Variants in ARHGEF10 observed in about 807,000 individuals in gnomAD.
The protein encoded by ARHGEF10 is Rho guanine nucleotide exchange factor 10, also known as Rho guanine nucleotide exchange factor (GEF) 10.
Under a neutral mutation model 147.4 loss-of-function variants are expected in ARHGEF10, and 140 were observed. That is an observed-to-expected ratio of 0.95 (90% CI 0.83 to 1.09). The LOEUF is 1.09. Ranked by LOEUF, ARHGEF10 falls within the 50% of genes least tolerant of loss-of-function variation. ARHGEF10 has a pLI of 0.00. For synonymous variants in ARHGEF10, 902 were observed against 695.8 expected, an observed-to-expected ratio of 1.30 and a Z score of -4.67; for missense variants, 2,222 against 1,752.7, an observed-to-expected ratio of 1.27 and a Z score of -4.78.
chr8:1,859,862 A>G (rs779945725), intron 3 of ARHGEF10, 35 bp from the exon 4 acceptor site: 9 of 1,613,118 alleles, frequency 5.6e-6, no homozygotes, highest in South Asian at 2.2e-5. Context: ...GCCCTTGGTG[A>G]TGTGTCTGCT....
chr8:1,940,516 C>G (rs767965860), intron 26 of ARHGEF10, among the ~76,000 whole-genome samples: 2 of 152,158 alleles, frequency 1.3e-5, no homozygotes, highest in Admixed American at 6.5e-5. Context: ...ACAAAAAGCC[C>G]AGGACCAGAT....
At chr8:1,908,081 G>A (rs1811044040) in intron 17 of ARHGEF10, among the ~76,000 whole-genome samples, 1 of 152,006 alleles carries the variant, frequency 6.6e-6, no homozygotes, top group Non-Finnish European at 1.5e-5. Flanking sequence ...TTCCCTTCCT[G>A]TATGGACTGG....
rs1441745285 is a variant in ARHGEF10, at chr8:1,874,894, G to A, written c.680-1677G>A. ...CTGGTGGGAGAGTGCAGACACACCC[G>A]GGGCCGTGTAGGGGGTACAGGTTCT... On this transcript the variant is annotated intron_variant, in intron 7 of 28. Coordinates refer to ENST00000349830, the MANE Select transcript of ARHGEF10 (RefSeq NM_014629.4). 4.7e-4 allele frequency among the ~76,000 whole-genome samples: 14 copies of A among 29,674 alleles called. 1 individual carries two copies. The highest frequency in any genetic ancestry group is 7.2e-4 in the Non-Finnish European group (9 of 12,498). 19.5% of individuals were successfully genotyped at this position (29,674 alleles called of 152,430 possible).
rs986693109 is a variant in ARHGEF10, at chr8:1,919,655, C to G, written c.2144-3309C>G. Among the ~76,000 whole-genome samples the G allele has an allele frequency of 2.0e-5, 3 of 147,298 alleles. No homozygotes were observed. In the South Asian group the frequency reaches 6.5e-4, roughly 32 times the overall value. Reference sequence around the variant, plus strand: ...GCTGTTCTGTGGGTGATGAGCTGTTCTGTCAGTGATGGAGCTGTTCTATGG... The same window carrying G: ...GCTGTTCTGTGGGTGATGAGCTGTTGTGTCAGTGATGGAGCTGTTCTATGG... On this transcript the variant is annotated intron_variant, in intron 18 of 28. Transcript: ENST00000349830.
intron 7 of ARHGEF10, chr8:1,870,590 C>A (rs1457314106): frequency 1.3e-5 from 2 of 152,046 alleles, no homozygotes; most frequent in African/African-American, 4.8e-5. Flanking sequence ...CAAATTCTAA[C>A]CAAAGTATTG....
chr8:1,897,773 C>T (rs938737082), intron 14 of ARHGEF10, among the ~76,000 whole-genome samples: 1 of 152,202 alleles, frequency 6.6e-6, no homozygotes, highest in African/African-American at 2.4e-5. Context: ...AGGATGCCAG[C>T]CGTGGCCGTG....
At chr8:1,945,947 G>A (rs1457323245) in intron 27 of ARHGEF10, 1 of 321,520 alleles carries the variant, frequency 3.1e-6, no homozygotes, top group South Asian at 3.3e-5. Context: ...GGTCAGAGTG[G>A]GTGGGAGACG....
intron 4 of ARHGEF10, among the ~76,000 whole-genome samples, chr8:1,863,819 C>G (rs959703528): frequency 1.3e-5 from 2 of 152,008 alleles, no homozygotes; most frequent in Non-Finnish European, 1.5e-5. Context: ...AGGGAGGAAT[C>G]GTCAGGCGGG....
intron 10 of ARHGEF10, among the ~76,000 whole-genome samples, chr8:1,884,354 C>G (rs938626814): frequency 6.6e-6 from 1 of 151,288 alleles, no homozygotes; most frequent in African/African-American, 2.4e-5. Context: ...CGAGATTGCG[C>G]CACTGCACTC....
intron 17 of ARHGEF10, among the ~76,000 whole-genome samples, chr8:1,906,619 G>C (rs113155932): frequency 6.6e-6 from 1 of 152,148 alleles, no homozygotes; most frequent in Admixed American, 6.5e-5. Context: ...GCAGGTCAGC[G>C]CTCAGGAGTC....
chr8:1,917,488 G>C (rs1280060829), intron 18 of ARHGEF10, among the ~76,000 whole-genome samples: 1 of 152,168 alleles, frequency 6.6e-6, no homozygotes, highest in Non-Finnish European at 1.5e-5. Flanking sequence ...AGCCGTCCTT[G>C]CTATTGATCT....
chr8:1,949,677 A>C (rs117631975), intron 27 of ARHGEF10, among the ~76,000 whole-genome samples: 8,283 of 152,284 alleles, frequency 0.054, 299 homozygotes, highest in Middle Eastern at 0.12. Context: ...AGAAAAAAAA[A>C]GACAAAAAAC....
chr8:1,835,729 C>T (rs948720726), intron 1 of ARHGEF10, among the ~76,000 whole-genome samples: 3 of 152,188 alleles, frequency 2.0e-5, no homozygotes, highest in Admixed American at 1.3e-4. Flanking sequence ...TGTGTCCCCA[C>T]AGTCACGCTG....
chr8:1,847,659 T>A (rs971067449), intron 2 of ARHGEF10, among the ~76,000 whole-genome samples: 1 of 152,174 alleles, frequency 6.6e-6, no homozygotes, highest in South Asian at 2.1e-4. Context: ...CACAAGCAGC[T>A]ACAAACCGCA....
At chr8:1,932,358 T>A (rs1300695446) in intron 25 of ARHGEF10, among the ~76,000 whole-genome samples, 1 of 152,184 alleles carries the variant, frequency 6.6e-6, no homozygotes, top group Non-Finnish European at 1.5e-5. Context: ...TGTGCAGGCG[T>A]GTGTGTGCCT....
At chr8:1,906,017 C>A (rs917138491) in intron 17 of ARHGEF10, among the ~76,000 whole-genome samples, 1 of 152,154 alleles carries the variant, frequency 6.6e-6, no homozygotes, top group Non-Finnish European at 1.5e-5. Flanking sequence ...ATCAAGAGTT[C>A]TTTTTCTTAT....
intron 25 of ARHGEF10, 69 bp from the exon 26 acceptor site, chr8:1,933,731 A>G (rs957160226): frequency 5.9e-5 from 92 of 1,561,862 alleles, no homozygotes; most frequent in Non-Finnish European, 7.3e-5. Flanking sequence ...AAAATGATGT[A>G]TGACCCCATT....
chr8:1,918,460 CTGTGTGTGTGTGTGTGTGTG>C (rs60519090), intron 18 of ARHGEF10, among the ~76,000 whole-genome samples: 16 of 140,946 alleles, frequency 1.1e-4, no homozygotes, highest in East Asian at 6.3e-4. Flanking sequence ...CATTTGATGG[CTGTGTGTGTGTGTGTGTGTG>C]TGTGTGTGTG....
rs1245622553 is a variant in ARHGEF10, at chr8:1,850,091, TG to T, written c.37+6656del. 1.5e-3 allele frequency among the ~76,000 whole-genome samples: 189 copies of T among 124,692 alleles called. 10 individuals are homozygous for T. Among genetic ancestry groups the T allele is most frequent in the Non-Finnish European group, 2.3e-3 (135 of 58,020 alleles). 81.8% of individuals were successfully genotyped at this position (124,692 alleles called of 152,430 possible). A position where few individuals can be genotyped will look rare whatever the true frequency, so the allele number is the denominator to read the frequency against. ...CTGCGTGGACACAGAGGGCAAATGC[TG>T]AGGAGGGCGTGGGCCGGCTGCATGG... On this transcript the variant is annotated intron_variant, in intron 2 of 28. Coordinates refer to ENST00000349830, the MANE Select transcript of ARHGEF10 (RefSeq NM_014629.4).
Sources: gnomAD v4.1 joint callset for allele counts (sites outside exome capture counted in the v4.1 genomes callset) on GRCh38, gnomAD v4.1.1 for gene constraint, MANE v1.5 for transcripts, NCBI Gene and HGNC (gene_info 2026-07-23, HGNC 2026-07-21) for gene names.